CXCL13: variants seen among roughly 807,000 people sequenced by gnomAD.
The protein encoded by CXCL13 is C-X-C motif chemokine ligand 13.
Under a neutral mutation model 12.2 loss-of-function variants are expected in CXCL13, and 7 were observed. That is an observed-to-expected ratio of 0.57 (90% CI 0.33 to 1.07). CXCL13 has a LOEUF of 1.07. Among genes scored for constraint, CXCL13 ranks in the 50% least tolerant of loss-of-function variants. CXCL13 has a pLI of 0.04. For synonymous variants in CXCL13, 47 were observed against 42.4 expected, an observed-to-expected ratio of 1.11 and a Z score of -0.42; for missense variants, 113 against 127.4, an observed-to-expected ratio of 0.89 and a Z score of 0.55.
intron 1 of CXCL13, among the ~76,000 whole-genome samples, chr4:77,513,098 G>C (rs750546625): frequency 9.2e-5 from 14 of 152,086 alleles, no homozygotes; most frequent in South Asian, 2.1e-4. Context: ...TCCCTGAAAA[G>C]GACATGAACT....
upstream of CXCL13, among the ~76,000 whole-genome samples, chr4:77,603,782 A>G (rs148475595): frequency 6.6e-5 from 10 of 151,762 alleles, no homozygotes; most frequent in African/African-American, 2.4e-4. Context: ...GTTTTTTCCC[A>G]AACAGATTAG....
Position 77,605,859 on chromosome 4 carries a change from A to G in CXCL13, c.-7A>G, listed in dbSNP as rs2109837317. ...GAGCTCAAGTCTGAACTCTACCTCC[A>G]GACAGAATGAAGTTCATCTCGACAT... On this transcript the variant is annotated 5_prime_UTR_variant, in exon 1 of 4. Coordinates refer to ENST00000682537, the MANE Select transcript of CXCL13 (RefSeq NM_001371558.1). 2 of 1,602,038 alleles carry G rather than the reference A, an allele frequency of 1.2e-6. No homozygotes were observed. Among genetic ancestry groups the G allele is most frequent in the South Asian group, 1.1e-5 (1 of 88,690 alleles).
chr4:77,571,994 C>T (rs890669120), intron 1 of CXCL13, among the ~76,000 whole-genome samples: 34 of 151,864 alleles, frequency 2.2e-4, no homozygotes, highest in African/African-American at 6.8e-4. Context: ...AGCAAGACCA[C>T]GAACCCACCA....
At chr4:77,529,735 A>T (rs1268941844) in intron 1 of CXCL13, among the ~76,000 whole-genome samples, 5 of 152,158 alleles carry the variant, frequency 3.3e-5, no homozygotes, top group Non-Finnish European at 7.3e-5. Context: ...GGACAATGTG[A>T]CTTCCTCTTT....
chr4:77,568,409 G>A (rs183461406), intron 1 of CXCL13, among the ~76,000 whole-genome samples: 74 of 152,140 alleles, frequency 4.9e-4, no homozygotes, highest in South Asian at 1.0e-3. Context: ...CTCTCCAACC[G>A]TTTCTCTTTA....
intron 1 of CXCL13, among the ~76,000 whole-genome samples, chr4:77,569,933 G>C (rs866332169): frequency 1.3e-5 from 2 of 152,076 alleles, no homozygotes; most frequent in Non-Finnish European, 2.9e-5. Context: ...AGACACATAG[G>C]CCAATGGAAC....
chr4:77,557,959 G>A (rs1419420839), intron 1 of CXCL13, among the ~76,000 whole-genome samples: 1 of 152,128 alleles, frequency 6.6e-6, no homozygotes, highest in African/African-American at 2.4e-5. Flanking sequence ...ACCTTTCCAT[G>A]CCTCTAAGAG....
At position 77,598,943 on chromosome 4, in the gene CXCL13, G is replaced by A. The variant is rs1384729002; in HGVS notation, c.-42-6881G>A. 4.6e-5 allele frequency among the ~76,000 whole-genome samples: 7 copies of A among 152,110 alleles called. No individual in the cohort carries two copies. The South Asian group carries it at 6.2e-4, about 14-fold the overall frequency. On this transcript the variant is annotated intron_variant, in intron 1 of 4. Transcript: ENST00000286758. ...CCTGCCTTAGCCTCCATAGTAACTGGGATTACAGGCACCTGCCACTATGCC... is the reference window on the plus strand; with the variant it reads ...CCTGCCTTAGCCTCCATAGTAACTGAGATTACAGGCACCTGCCACTATGCC...
At chr4:77,563,157 C>T (rs966485082) in intron 1 of CXCL13, among the ~76,000 whole-genome samples, 1 of 152,106 alleles carries the variant, frequency 6.6e-6, no homozygotes, top group Non-Finnish European at 1.5e-5. Context: ...GTCAGAACAT[C>T]AGAAGGAACA....
intron 1 of CXCL13, among the ~76,000 whole-genome samples, chr4:77,555,020 T>TA (rs1259356367): frequency 6.6e-6 from 1 of 151,332 alleles, no homozygotes; most frequent in Non-Finnish European, 1.5e-5. Context: ...ATTAAGAAGC[T>TA]AAAAAAACAG....
At chr4:77,523,678 T>G (rs1193562900) in intron 1 of CXCL13, among the ~76,000 whole-genome samples, 1 of 152,174 alleles carries the variant, frequency 6.6e-6, no homozygotes, top group Non-Finnish European at 1.5e-5. Flanking sequence ...CTTGGAGAAG[T>G]TTGTTATTAC....
intron 1 of CXCL13, among the ~76,000 whole-genome samples, chr4:77,592,658 C>A (rs1400824296): frequency 1.3e-5 from 2 of 152,032 alleles, no homozygotes; most frequent in Admixed American, 1.3e-4. Context: ...CTCATGAAAT[C>A]CCTGGCAAGG....
chr4:77,548,570 G>A (rs1201613126), intron 1 of CXCL13, among the ~76,000 whole-genome samples: 1 of 152,158 alleles, frequency 6.6e-6, no homozygotes, highest in Admixed American at 6.5e-5. Context: ...TAGTACATGA[G>A]AAAAAGTGAC....
At chr4:77,530,928 C>T (rs1300208505) in intron 1 of CXCL13, among the ~76,000 whole-genome samples, 1 of 151,718 alleles carries the variant, frequency 6.6e-6, no homozygotes, top group African/African-American at 2.4e-5. Flanking sequence ...ATAAATTTCC[C>T]TCTACACACT....
intron 1 of CXCL13, among the ~76,000 whole-genome samples, chr4:77,586,011 C>T (rs1578066111): frequency 6.6e-6 from 1 of 152,126 alleles, no homozygotes; most frequent in East Asian, 1.9e-4. Context: ...TGAGTGTTTA[C>T]ATTTAATAAA....
chr4:77,530,226 T>A (rs1448031412), intron 1 of CXCL13, among the ~76,000 whole-genome samples: 1 of 152,172 alleles, frequency 6.6e-6, no homozygotes, highest in East Asian at 1.9e-4. Flanking sequence ...GGGATATTGG[T>A]CTAAAATTCT....
At chr4:77,523,699 A>C (rs969119689) in intron 1 of CXCL13, among the ~76,000 whole-genome samples, 5 of 152,214 alleles carry the variant, frequency 3.3e-5, no homozygotes, top group Non-Finnish European at 7.3e-5. Context: ...CGATTTCTGA[A>C]GCCTACTTCT....
chr4:77,609,301 TTTTTTTTTTGTTTTG>T (rs1560539528), intron 2 of CXCL13, among the ~76,000 whole-genome samples: 1 of 138,572 alleles, frequency 7.2e-6, no homozygotes, highest in African/African-American at 2.5e-5. Context: ...GTGTTTTGGG[TTTTTTTTTTGTTTTG>T]TTTTGTTTTG....
chr4:77,541,146 G>C lies in CXCL13; in HGVS notation c.-43+29358G>C, dbSNP rs936128334. ...ATTGTTTAAGTTCCTTATAGATTCT[G>C]TATATTAGACCTTTGTTGGATGCAC... On this transcript the variant is annotated intron_variant, in intron 1 of 4. Coordinates refer to the CXCL13 transcript ENST00000286758. Among the ~76,000 whole-genome samples, 6 of 152,104 alleles carry C rather than the reference G, an allele frequency of 3.9e-5. No homozygotes were observed. In the East Asian group the frequency reaches 1.2e-3, roughly 29 times the overall value.
Sources: gnomAD v4.1 joint callset for allele counts (sites outside exome capture counted in the v4.1 genomes callset) on GRCh38, gnomAD v4.1.1 for gene constraint, MANE v1.5 for transcripts, NCBI Gene and HGNC (gene_info 2026-07-23, HGNC 2026-07-21) for gene names.